SRFBP1: variants seen among roughly 807,000 people sequenced by gnomAD.
The protein encoded by SRFBP1 is serum response factor-binding protein 1.
Under a neutral mutation model 45.5 loss-of-function variants are expected in SRFBP1, and 47 were observed. The ratio of observed to expected loss-of-function variants is 1.03; its 90% CI spans 0.82 to 1.32. The LOEUF is 1.32. Among genes scored for constraint, SRFBP1 ranks in the 40% most tolerant of loss-of-function variants. SRFBP1 has a pLI of 0.00. For synonymous variants in SRFBP1, 203 were observed against 166.3 expected (o/e 1.22, Z -1.70); for missense variants, 621 against 484.6 (o/e 1.28, Z -2.64).
At chr5:121,999,675 T>C (rs1490787851) in intron 4 of SRFBP1, among the ~76,000 whole-genome samples, 1 of 152,120 alleles carries the variant, frequency 6.6e-6, no homozygotes, top group African/African-American at 2.4e-5. Flanking sequence ...TGATCCTTTA[T>C]AATTATGTAA....
chr5:122,040,145 ACTT>A (rs1158201799), intron 2 of SRFBP1, among the ~76,000 whole-genome samples: 1 of 151,918 alleles, frequency 6.6e-6, no homozygotes, highest in East Asian at 1.9e-4. Context: ...TTGGGTCATT[ACTT>A]TTGATTAATT....
chr5:122,024,550 G>T (rs1275615888), intron 7 of SRFBP1, among the ~76,000 whole-genome samples: 1 of 152,138 alleles, frequency 6.6e-6, no homozygotes, highest in African/African-American at 2.4e-5. Context: ...ATGGAAGATT[G>T]AATGTGAGGT....
intron 2 of SRFBP1, among the ~76,000 whole-genome samples, chr5:122,068,972 C>T (rs759862238): frequency 6.6e-6 from 1 of 152,010 alleles, no homozygotes; most frequent in South Asian, 2.1e-4. Context: ...ACCAACTCCA[C>T]ACAATATGGG....
intron 3 of SRFBP1, among the ~76,000 whole-genome samples, chr5:121,979,866 A>G (rs1385183548): frequency 6.6e-6 from 1 of 152,182 alleles, no homozygotes; most frequent in African/African-American, 2.4e-5. Flanking sequence ...TATAGCTTAC[A>G]TGATGTTCTC....
intron 1 of SRFBP1, among the ~76,000 whole-genome samples, chr5:121,967,781 A>G (rs76591475): frequency 1.3e-5 from 2 of 152,208 alleles, no homozygotes; most frequent in African/African-American, 2.4e-5. Flanking sequence ...GGAGGTTGTG[A>G]TGAGTCGAGA....
chr5:122,076,302 C>T (rs558702515), downstream of SRFBP1, among the ~76,000 whole-genome samples: 1 of 152,276 alleles, frequency 6.6e-6, no homozygotes, highest in African/African-American at 2.4e-5. Context: ...ACATCTTTTG[C>T]TCCCTCTGCT....
At chr5:121,962,220 C>G in intron 1 of SRFBP1, 152 bp downstream of exon 1, 6 of 877,538 alleles carry the variant, frequency 6.8e-6, no homozygotes, top group Non-Finnish European at 1.1e-5. Flanking sequence ...GTTTGGCAAC[C>G]GGTAATTTCC....
At chr5:122,035,126 G>T (rs1753672659) in intron 2 of SRFBP1, among the ~76,000 whole-genome samples, 1 of 151,984 alleles carries the variant, frequency 6.6e-6, no homozygotes, top group Admixed American at 6.6e-5. Flanking sequence ...GACAGTGTTT[G>T]ATGTCCTTCC....
Position 122,003,068 on chromosome 5 carries a change from G to A in SRFBP1, c.270+8398G>A, listed in dbSNP as rs115527599. On this transcript the variant is annotated intron_variant, in intron 4 of 7. Coordinates refer to ENST00000339397, the MANE Select transcript of SRFBP1 (RefSeq NM_152546.3). Reference sequence around the variant, plus strand: ...CATTCATAAAGAGAAGAAAGGCTGGGCATGGCGGCTCACCCTGTAGTCCCA... The same window carrying A: ...CATTCATAAAGAGAAGAAAGGCTGGACATGGCGGCTCACCCTGTAGTCCCA... 7.8e-3 allele frequency among the ~76,000 whole-genome samples: 1,184 copies of A among 152,248 alleles called. 14 individuals are homozygous for A. Among genetic ancestry groups the A allele is most frequent in the African/African-American group, 0.027 (1,126 of 41,534 alleles).
intron 2 of SRFBP1, among the ~76,000 whole-genome samples, chr5:122,047,884 C>T (rs1753894200): frequency 1.3e-5 from 2 of 152,252 alleles, no homozygotes; most frequent in African/African-American, 4.8e-5. Context: ...GTGATTTTTG[C>T]ACATCGATTG....
At chr5:122,019,372 C>T (rs765863721) in intron 5 of SRFBP1, 31 bp downstream of exon 5, 1 of 1,546,274 alleles carries the variant, frequency 6.5e-7, no homozygotes, top group Non-Finnish European at 8.9e-7. Context: ...AAGCCATGTA[C>T]TTAATGTATT....
In SRFBP1 at chr5:122,001,314, C is replaced by T. The variant is rs192320869; in HGVS notation, c.270+6644C>T. Reference sequence around the variant, plus strand: ...ATTGGTAGCTAAATACTCATTCAGTCGATGTTTATGTGCAAATCAGCATGC... The same window carrying T: ...ATTGGTAGCTAAATACTCATTCAGTTGATGTTTATGTGCAAATCAGCATGC... On this transcript the variant is annotated intron_variant, in intron 4 of 7. Coordinates refer to ENST00000339397, the MANE Select transcript of SRFBP1 (RefSeq NM_152546.3). 5.1e-3 allele frequency among the ~76,000 whole-genome samples: 764 copies of T among 150,870 alleles called. 10 individuals are homozygous for T. The highest frequency in any genetic ancestry group is 0.017 in the African/African-American group (720 of 41,334).
Position 122,046,133 on chromosome 5 carries a change from G to T in SRFBP1, n.311+23726G>T, listed in dbSNP as rs540170626. On this transcript the variant is annotated intron_variant and non_coding_transcript_variant, in intron 2 of 2. Coordinates refer to the SRFBP1 transcript ENST00000504881. Reference sequence around the variant, plus strand: ...ACACATGTATACATGTGCCATGTTGGTGTGCTGCACCCATTAACTCGTTAT... The same window carrying T: ...ACACATGTATACATGTGCCATGTTGTTGTGCTGCACCCATTAACTCGTTAT... 4.6e-5 allele frequency among the ~76,000 whole-genome samples: 7 copies of T among 152,096 alleles called. 1 individual carries two copies. The South Asian group carries it at 1.5e-3, about 32-fold the overall frequency.
rs1405617000 is a variant in SRFBP1, at chr5:121,997,733, G to A, written c.270+3063G>A. Reference sequence around the variant, plus strand: ...TACCATCAGAGTGAACAGGCAACCTGCAAAATGGGAGAAAATTTTCGCAAC... The same window carrying A: ...TACCATCAGAGTGAACAGGCAACCTACAAAATGGGAGAAAATTTTCGCAAC... On this transcript the variant is annotated intron_variant, in intron 4 of 7. Coordinates refer to ENST00000339397, the MANE Select transcript of SRFBP1 (RefSeq NM_152546.3). Among the ~76,000 whole-genome samples the A allele has an allele frequency of 1.1e-4, 17 of 151,894 alleles. No homozygotes were observed. The East Asian group carries it at 1.5e-3, about 14-fold the overall frequency.
At chr5:122,011,632 T>G (rs1303189737) in intron 4 of SRFBP1, among the ~76,000 whole-genome samples, 1 of 152,192 alleles carries the variant, frequency 6.6e-6, no homozygotes, top group East Asian at 1.9e-4. Flanking sequence ...TGCATTTGTC[T>G]TAGCCTTTTA....
intron 2 of SRFBP1, among the ~76,000 whole-genome samples, chr5:122,070,933 T>C (rs1475578584): frequency 6.6e-6 from 1 of 152,138 alleles, no homozygotes; most frequent in African/African-American, 2.4e-5. Flanking sequence ...TTATCTTAGC[T>C]CAAATGTCCT....
intron 4 of SRFBP1, among the ~76,000 whole-genome samples, chr5:122,012,872 C>T (rs1753122478): frequency 6.6e-6 from 1 of 152,010 alleles, no homozygotes; most frequent in African/African-American, 2.4e-5. Flanking sequence ...TGGTAATATC[C>T]TCATTATCAG....
At chr5:122,016,152 T>G (rs181809902) in intron 4 of SRFBP1, among the ~76,000 whole-genome samples, 1 of 152,224 alleles carries the variant, frequency 6.6e-6, no homozygotes, top group Admixed American at 6.5e-5. Flanking sequence ...TATTGATATG[T>G]CCTCTCCAGA....
chr5:122,052,425 T>G (rs889630389), intron 2 of SRFBP1, among the ~76,000 whole-genome samples: 5 of 152,228 alleles, frequency 3.3e-5, no homozygotes, highest in African/African-American at 1.2e-4. Flanking sequence ...CCTATATTTC[T>G]TGGAGGTTTT....
Sources: gnomAD v4.1 joint callset for allele counts (sites outside exome capture counted in the v4.1 genomes callset) on GRCh38, gnomAD v4.1.1 for gene constraint, MANE v1.5 for transcripts, NCBI Gene and HGNC (gene_info 2026-07-23, HGNC 2026-07-21) for gene names.